TTI2: variants seen among roughly 807,000 people sequenced by gnomAD.
TTI2 encodes TELO2 interacting protein 2, also known as TELO2-interacting protein 2.
A neutral mutation model predicts 44.9 loss-of-function variants in TTI2; 26 were observed. That is an observed-to-expected ratio of 0.58 (90% CI 0.42 to 0.80). TTI2 has a LOEUF of 0.80. TTI2 is among the 30% of genes least tolerant of loss of function. The probability of loss-of-function intolerance (pLI) is 0.00; values close to 1 mark genes in which losing one functional copy is unlikely to be tolerated. For synonymous variants in TTI2, 254 were observed against 250.9 expected (o/e 1.01, Z -0.12); for missense variants, 582 against 611.6 (o/e 0.95, Z 0.51).
At chr8:33,504,078 T>G in intron 4 of TTI2, 143 bp from the exon 5 acceptor site, 1 of 828,266 alleles carries the variant, frequency 1.2e-6, no homozygotes, top group Non-Finnish European at 2.0e-6. Flanking sequence ...ATATATGAAC[T>G]GCACATTACT....
intron 1 of TTI2, 54 bp from the exon 2 acceptor site, chr8:33,512,766 G>C (rs1334963086): frequency 4.6e-6 from 4 of 868,284 alleles, no homozygotes; most frequent in Non-Finnish European, 6.9e-6. Context: ...GGGCGAGTCT[G>C]ACCGGGATAA....
At chr8:33,504,082 C>T (rs1482861578) in intron 4 of TTI2, 147 bp from the exon 5 acceptor site, 2 of 800,242 alleles carry the variant, frequency 2.5e-6, no homozygotes, top group African/African-American at 1.7e-5. Flanking sequence ...ATGAACTGCA[C>T]ATTACTTTAC....
chr8:33,507,150 T>TTAA, intron 4 of TTI2, 79 bp downstream of exon 4: 1 of 1,253,928 alleles, frequency 8.0e-7, no homozygotes, highest in Middle Eastern at 1.9e-4. Flanking sequence ...TGTCTCTCAA[T>TTAA]TACTACTACT....
At position 33,500,496 on chromosome 8, in the gene TTI2, A is replaced by G; in HGVS notation, c.1260-6T>C. On this transcript the variant is annotated splice_polypyrimidine_tract_variant and splice_region_variant and intron_variant, in intron 6 of 7. Coordinates refer to ENST00000431156, the MANE Select transcript of TTI2 (RefSeq NM_001102401.4). ...CCACAAGTCTGCAGGAAACTCTGGAATCAGGAAGAAAAGCTATGTTCATAC... is the reference window on the plus strand; with the variant it reads ...CCACAAGTCTGCAGGAAACTCTGGAGTCAGGAAGAAAAGCTATGTTCATAC... The G allele has an allele frequency of 6.2e-7, 1 of 1,614,018 alleles. No homozygotes were observed.
At position 33,513,078 on chromosome 8, in the gene TTI2, G is replaced by A. The variant is rs1809622993; in HGVS notation, c.-100+4C>T. The A allele has an allele frequency of 1.3e-5, 2 of 159,892 alleles. No individual in the cohort carries two copies. Among genetic ancestry groups the A allele is most frequent in the Admixed American group, 1.2e-4 (2 of 16,624 alleles). 9.9% of individuals were successfully genotyped at this position (159,892 alleles called of 1,614,324 possible). On this transcript the variant is annotated splice_donor_region_variant and intron_variant, in intron 1 of 7. Transcript: ENST00000431156. ...ATGTCACCAACTTAACCACCCCCAG[G>A]TACCTGCAACGGCTCGCGCCCGCCG...
Position 33,512,222 on chromosome 8 carries a change from T to C in TTI2, c.392A>G (p.Lys131Arg). Residue 131 changes from lysine (K) to arginine (R), a missense_variant, in exon 2 of 8, where the codon AAG becomes AGG. Lys to Arg is a conservative substitution (Grantham distance 26, BLOSUM62 2). Transcript: ENST00000431156. ...LKLLGKVETAKNSLVGPAWQT... is the reference protein window; with the variant it reads ...LKLLGKVETARNSLVGPAWQT... ...CCATGCAGGGCCGACCAGGGAATTC[T>C]TAGCAGTCTCAACTTTCCCTAACAG... The C allele has an allele frequency of 1.2e-6, 2 of 1,614,192 alleles. No individual in the cohort carries two copies. The highest frequency in any genetic ancestry group is 2.7e-5 in the African/African-American group (2 of 75,054).
rs775006549 is a variant in TTI2 at position 33,512,598 on chromosome 8, C to T, written c.16G>A (p.Ala6Thr). 5.6e-6 allele frequency: 9 copies of T among 1,613,104 alleles called. No homozygotes were observed. The highest frequency in any genetic ancestry group is 7.6e-6 in the Non-Finnish European group (9 of 1,180,030). The change falls in exon 2 of 8, where the codon GCT becomes ACT. Residue 6 changes from alanine (A) to threonine (T), a missense_variant. Physicochemically the swap from Ala to Thr is moderately conservative, Grantham distance 58 (BLOSUM62 0). Coordinates refer to ENST00000431156, the MANE Select transcript of TTI2 (RefSeq NM_001102401.4). ...TCTTCCTGCGATGGGGCTTCCAGAG[C>T]GCTGTCAAGCTCCATTCCTGACTGC... MELDS[A>T]LEAPSQEDSN...
chr8:33,508,087 T>TAAAAAAAAAAAA lies in TTI2; in HGVS notation c.835-778_835-767dup, dbSNP rs58891946. Among the ~76,000 whole-genome samples the TAAAAAAAAAAAA allele has an allele frequency of 6.2e-4, 12 of 19,512 alleles. 1 individual carries two copies. The highest frequency in any genetic ancestry group is 1.0e-3 in the Admixed American group (1 of 996). The allele number at this position is 19,512 out of a possible 152,430, so 12.8% of individuals were successfully genotyped here. On this transcript the variant is annotated intron_variant, in intron 3 of 7. Coordinates refer to ENST00000431156, the MANE Select transcript of TTI2 (RefSeq NM_001102401.4). ...ACAAAGAAAATGTGGCTAGCGGTAG[T>TAAAAAAAAAAAA]AAAAAAAAAAAAAAAAAAAAAAAAA...
chr8:33,499,430 T>A, intron 7 of TTI2, 153 bp from the exon 8 acceptor site: 1 of 612,762 alleles, frequency 1.6e-6, no homozygotes. Flanking sequence ...TATTAGTTGG[T>A]TTTTTATTAT....
Position 33,510,178 on chromosome 8 carries a change from A to G in TTI2, c.648-246T>C, listed in dbSNP as rs141018109. Among the ~76,000 whole-genome samples, 799 of 152,294 alleles carry G rather than the reference A, an allele frequency of 5.2e-3. 9 individuals are homozygous for G. The highest frequency in any genetic ancestry group is 0.017 in the African/African-American group (717 of 41,562). ...CAGCCTATCCAATGAGAAGGAGTCA[A>G]TTATAACCAGAGCTACATAAAGGAC... On this transcript the variant is annotated intron_variant, in intron 2 of 7. Transcript: ENST00000431156.
At chr8:33,509,275 G>A (rs1178524258) in intron 3 of TTI2, among the ~76,000 whole-genome samples, 1 of 151,504 alleles carries the variant, frequency 6.6e-6, no homozygotes, top group African/African-American at 2.4e-5. Flanking sequence ...TGGCCAAGAT[G>A]GTGAAACCCC....
Position 33,507,144 on chromosome 8 carries a change from T to A in TTI2, c.927+85A>T, listed in dbSNP as rs558775097. On this transcript the variant is annotated intron_variant, in intron 4 of 7. Coordinates refer to ENST00000431156, the MANE Select transcript of TTI2 (RefSeq NM_001102401.4). Reference sequence around the variant, plus strand: ...TCACTTTCCAAGGCAGGAAAATGTCTCTCAATTACTACTACTCACACAATG... The same window carrying A: ...TCACTTTCCAAGGCAGGAAAATGTCACTCAATTACTACTACTCACACAATG... 11 of 1,200,226 alleles carry A rather than the reference T, an allele frequency of 9.2e-6. No homozygotes were observed. In the African/African-American group the frequency reaches 1.4e-4, roughly 15 times the overall value. The allele number at this position is 1,200,226 out of a possible 1,614,324, so 74.3% of individuals were successfully genotyped here.
intron 1 of TTI2, 165 bp from the exon 2 acceptor site, chr8:33,512,877 T>TAAAAAAA (rs61291473): frequency 1.1e-4 from 10 of 93,096 alleles, no homozygotes; most frequent in Non-Finnish European, 1.6e-4. Context: ...TCCGTCTCAG[T>TAAAAAAA]AAAAAAAAAA....
chr8:33,503,314 G>A (rs941815113), intron 6 of TTI2, 115 bp downstream of exon 6: 22 of 1,397,350 alleles, frequency 1.6e-5, no homozygotes, highest in African/African-American at 4.3e-5. Flanking sequence ...GTGAAAATGG[G>A]AGGTATTCAA....
At chr8:33,500,185 C>A in intron 7 of TTI2, 143 bp downstream of exon 7, 1 of 848,094 alleles carries the variant, frequency 1.2e-6, no homozygotes, top group Non-Finnish European at 1.8e-6. Context: ...TCTTTTGAGG[C>A]TAGAGGGCTC....
rs1809588757 is a variant in TTI2, at chr8:33,512,520, T to C, written c.94A>G (p.Lys32Glu). Residue 32 changes from lysine (K) to glutamate (E), a missense_variant, in exon 2 of 8, where the codon AAG (lysine) becomes GAG (glutamate). Coordinates refer to ENST00000431156, the MANE Select transcript of TTI2 (RefSeq NM_001102401.4). ...GGGCGGGCAAGACAGTGTAAAATCT[T>C]GGAGAAGGCCTGTCCAAAGGCGGAG... The part of the protein sequence containing the change: ...SHSAFGQAFS[K>E]ILHCLARPEA... The C allele has an allele frequency of 3.1e-6, 5 of 1,614,148 alleles. No homozygotes were observed. The highest frequency in any genetic ancestry group is 4.2e-6 in the Non-Finnish European group (5 of 1,180,034).
chr8:33,508,087 TAAAAAAA>T (rs58891946), intron 3 of TTI2, among the ~76,000 whole-genome samples: 7 of 19,494 alleles, frequency 3.6e-4, no homozygotes, highest in African/African-American at 8.0e-4. Context: ...CTAGCGGTAG[TAAAAAAA>T]AAAAAAAAAA....
rs547887644 is a variant in TTI2, at chr8:33,512,946, TAA to T, written c.-100+134_-100+135del. 7.6e-4 allele frequency: 153 copies of T among 201,082 alleles called. 1 individual carries two copies. Among genetic ancestry groups the T allele is most frequent in the Middle Eastern group, 4.5e-3 (2 of 446 alleles). 12.5% of individuals were successfully genotyped at this position (201,082 alleles called of 1,614,324 possible). A position where few individuals can be genotyped will look rare whatever the true frequency, so the allele number is the denominator to read the frequency against. On this transcript the variant is annotated intron_variant, in intron 1 of 7. Transcript: ENST00000431156. ...AAAGGGAAAGGGGACTCTCAGGGAG[TAA>T]AAGAGTCTTACACTTTTAACAGTGA...
intron 6 of TTI2, among the ~76,000 whole-genome samples, chr8:33,502,078 G>T (rs747063016): frequency 1.3e-5 from 2 of 151,974 alleles, no homozygotes. Flanking sequence ...TGAGTAGCTG[G>T]GACTACAGGT....
Sources: gnomAD v4.1 joint callset for allele counts (sites outside exome capture counted in the v4.1 genomes callset) on GRCh38, gnomAD v4.1.1 for gene constraint, MANE v1.5 for transcripts, NCBI Gene and HGNC (gene_info 2026-07-23, HGNC 2026-07-21) for gene names.